Variants in DSE observed in about 807,000 individuals in gnomAD.
The protein encoded by DSE is dermatan sulfate epimerase.
Under a neutral mutation model 84.4 loss-of-function variants are expected in DSE, and 36 were observed. The ratio of observed to expected loss-of-function variants is 0.43; its 90% CI spans 0.33 to 0.56. The LOEUF (loss-of-function observed/expected upper bound fraction) is 0.56, where lower values mean the gene tolerates loss of function less well. Among genes scored for constraint, DSE ranks in the 20% least tolerant of loss-of-function variants. The pLI is 0.06. For missense variants in DSE, 862 were observed against 1,169.6 expected (o/e 0.74, Z 3.84); for synonymous variants, 410 against 430.1 (o/e 0.95, Z 0.58).
intron 2 of DSE, among the ~76,000 whole-genome samples, chr6:116,324,410 C>T (rs1352131442): frequency 6.6e-6 from 1 of 152,166 alleles, no homozygotes; most frequent in Non-Finnish European, 1.5e-5. Context: ...AGATTATTGA[C>T]AAGAATATGA....
chr6:116,295,872 C>T (rs1368538311), intron 2 of DSE, among the ~76,000 whole-genome samples: 5 of 152,190 alleles, frequency 3.3e-5, no homozygotes, highest in Admixed American at 3.3e-4. Context: ...ATAATCTCAT[C>T]AGTTTTGCCT....
chr6:116,411,891 T>A lies in DSE; in HGVS notation c.416+12225T>A, dbSNP rs1359418367. ...TTCAGCATTTGGGGTCAACTTTTAT[T>A]TTCAGTATAGCAGTAACTCTAGATC... On this transcript the variant is annotated intron_variant, in intron 2 of 5. Coordinates refer to ENST00000644252, the MANE Select transcript of DSE (RefSeq NM_013352.4). Among the ~76,000 whole-genome samples the A allele has an allele frequency of 2.0e-5, 3 of 152,252 alleles. No homozygotes were observed. In the East Asian group the frequency reaches 5.8e-4, roughly 29 times the overall value.
At chr6:116,290,813 T>C (rs1412798120) in intron 2 of DSE, among the ~76,000 whole-genome samples, 2 of 152,144 alleles carry the variant, frequency 1.3e-5, no homozygotes, top group African/African-American at 2.4e-5. Context: ...TCCTCTTAAC[T>C]GCTAACTTCT....
intron 2 of DSE, among the ~76,000 whole-genome samples, chr6:116,407,110 G>A (rs924046932): frequency 6.6e-6 from 1 of 152,150 alleles, no homozygotes; most frequent in Admixed American, 6.5e-5. Context: ...ACCATATTGG[G>A]TATCCTTAAA....
chr6:116,332,388 G>A (rs1777002535), intron 2 of DSE, among the ~76,000 whole-genome samples: 1 of 150,172 alleles, frequency 6.7e-6, no homozygotes. Flanking sequence ...GTGTGTGTGT[G>A]TGTGTAAGAG....
intron 2 of DSE, among the ~76,000 whole-genome samples, chr6:116,404,918 T>C (rs1049044940): frequency 5.3e-5 from 8 of 151,478 alleles, no homozygotes; most frequent in African/African-American, 1.9e-4. Context: ...GCCAGTTAGC[T>C]ACAGGAAATC....
chr6:116,436,680 T>C lies in DSE; in HGVS notation c.2212T>C (p.Tyr738His). Reference sequence around the variant, plus strand: ...CAGCATTGTCCCTGAGGTGAAGGACTATGCTGCTATTGTGGAACAGAACTT... The same window carrying C: ...CAGCATTGTCCCTGAGGTGAAGGACCATGCTGCTATTGTGGAACAGAACTT... Reference protein sequence around the residue: ...KSSIVPEVKDYAAIVEQNLQH... With the variant: ...KSSIVPEVKDHAAIVEQNLQH... Residue 738 changes from tyrosine to histidine, a missense_variant, in exon 6 of 6, where the codon TAT becomes CAT. Physicochemically the swap from Tyr to His is moderately conservative, Grantham distance 83. Coordinates refer to ENST00000644252, the MANE Select transcript of DSE (RefSeq NM_013352.4). The C allele has an allele frequency of 1.2e-6, 2 of 1,614,208 alleles. No homozygotes were observed. The highest frequency in any genetic ancestry group is 2.2e-5 in the East Asian group (1 of 44,878).
In DSE at chr6:116,296,390, G is replaced by A. The variant is rs574054111; in HGVS notation, c.-54+37423G>A. Among the ~76,000 whole-genome samples, 25 of 152,270 alleles carry A rather than the reference G, an allele frequency of 1.6e-4. 1 individual carries two copies. In the South Asian group the frequency reaches 4.6e-3, roughly 28 times the overall value. ...CCCTTGGATATGAAGGGTGGACTGT[G>A]GGGTTGAACAAGACATGCTAAATCC... On this transcript the variant is annotated intron_variant, in intron 2 of 3. Coordinates refer to the DSE transcript ENST00000430252.
At chr6:116,392,112 G>A (rs1387865023) in intron 1 of DSE, among the ~76,000 whole-genome samples, 1 of 152,200 alleles carries the variant, frequency 6.6e-6, no homozygotes, top group Non-Finnish European at 1.5e-5. Flanking sequence ...AATAGTATGT[G>A]AGACCACAGC....
At chr6:116,376,496 G>A (rs1388414518) in intron 1 of DSE, among the ~76,000 whole-genome samples, 1 of 152,238 alleles carries the variant, frequency 6.6e-6, no homozygotes, top group Non-Finnish European at 1.5e-5. Flanking sequence ...GAGAAGAAAA[G>A]ATTATTGAGG....
intron 1 of DSE, among the ~76,000 whole-genome samples, chr6:116,377,547 A>C (rs921571025): frequency 6.6e-6 from 1 of 152,228 alleles, no homozygotes; most frequent in Admixed American, 6.5e-5. Context: ...GAAATAACTG[A>C]CTAGAAATGG....
intron 2 of DSE, among the ~76,000 whole-genome samples, chr6:116,285,386 ATTTG>A (rs2114656492): frequency 6.6e-6 from 1 of 152,192 alleles, no homozygotes; most frequent in East Asian, 1.9e-4. Context: ...TTTCTTGTAA[ATTTG>A]TTTAAGTTCT....
chr6:116,307,541 A>C (rs1254247253), intron 2 of DSE, among the ~76,000 whole-genome samples: 1 of 152,218 alleles, frequency 6.6e-6, no homozygotes, highest in East Asian at 1.9e-4. Context: ...ATAATTGAGA[A>C]GTTTTTAAAA....
intron 2 of DSE, among the ~76,000 whole-genome samples, chr6:116,411,730 A>G (rs1262614708): frequency 2.0e-5 from 3 of 152,178 alleles, no homozygotes; most frequent in African/African-American, 4.8e-5. Context: ...GAAGTTTACT[A>G]TTTTACCTTT....
At chr6:116,414,820 T>A (rs1782595175) in intron 2 of DSE, among the ~76,000 whole-genome samples, 1 of 152,234 alleles carries the variant, frequency 6.6e-6, no homozygotes, top group Admixed American at 6.5e-5. Flanking sequence ...GGATTCATAA[T>A]AGCTTTTTGT....
intron 2 of DSE, among the ~76,000 whole-genome samples, chr6:116,353,094 C>G (rs1231757097): frequency 6.6e-6 from 1 of 152,136 alleles, no homozygotes; most frequent in Admixed American, 6.6e-5. Context: ...TTTATGTTAG[C>G]TAACTATTAA....
rs780424278 is a variant in DSE, at chr6:116,431,147, G to A, written c.864G>A (p.Pro288=). The A allele has an allele frequency of 2.3e-5, 37 of 1,614,040 alleles. No homozygotes were observed. In the South Asian group the frequency reaches 3.2e-4, roughly 14 times the overall value. The change falls in exon 4 of 6, where the codon CCG becomes CCA. Residue 288 remains proline, a synonymous_variant. Coordinates refer to ENST00000644252, the MANE Select transcript of DSE (RefSeq NM_013352.4). ...RHFNINHFGH[P]WLKQHFAFMY... is the part of the protein sequence containing the mutation. ...TCAACATCAACCACTTTGGCCATCCGTGGCTTAAACAACACTTTGCATTTA... is the reference window on the plus strand; with the variant it reads ...TCAACATCAACCACTTTGGCCATCCATGGCTTAAACAACACTTTGCATTTA...
At chr6:116,304,348 A>C (rs897861703) in intron 2 of DSE, among the ~76,000 whole-genome samples, 1 of 136,646 alleles carries the variant, frequency 7.3e-6, no homozygotes, top group Non-Finnish European at 1.7e-5. Flanking sequence ...TTTTAGTCAC[A>C]TGAGTTTGAA....
rs190283615 is a variant in DSE, at chr6:116,270,564, A to G, written c.-54+11597A>G. On this transcript the variant is annotated intron_variant, in intron 2 of 3. Transcript: ENST00000430252. ...TATTTGAACTGCTTTGGTCCATTCTATTTCTCTGGAAAGTACAACTAAGCA... is the reference window on the plus strand; with the variant it reads ...TATTTGAACTGCTTTGGTCCATTCTGTTTCTCTGGAAAGTACAACTAAGCA... 5.9e-3 allele frequency among the ~76,000 whole-genome samples: 903 copies of G among 152,290 alleles called. 9 individuals carry two copies. Among genetic ancestry groups the G allele is most frequent in the African/African-American group, 0.02 (844 of 41,564 alleles).
Sources: allele counts gnomAD v4.1 joint callset (sites outside exome capture counted in the v4.1 genomes callset), GRCh38; gene constraint gnomAD v4.1.1; transcripts MANE v1.5; gene names NCBI Gene and HGNC (gene_info 2026-07-23, HGNC 2026-07-21).